HDAC9: variants seen among roughly 807,000 people sequenced by gnomAD.
HDAC9 encodes MEF-2 interacting transcription repressor (MITR) protein.
A neutral mutation model predicts 139.4 loss-of-function variants in HDAC9; 41 were observed. The ratio of observed to expected loss-of-function variants is 0.29; its 90% CI spans 0.23 to 0.38. HDAC9 has a LOEUF of 0.38. Ranked by LOEUF, HDAC9 falls within the 10% of genes least tolerant of loss-of-function variation. The probability of loss-of-function intolerance (pLI) is 1.00; values close to 1 mark genes in which losing one functional copy is unlikely to be tolerated. For missense variants in HDAC9, 1,147 were observed against 1,297.0 expected (o/e 0.88, Z 1.78); for synonymous variants, 517 against 476.2 (o/e 1.09, Z -1.12).
At chr7:18,858,698 A>G (rs968221577) in intron 21 of HDAC9, among the ~76,000 whole-genome samples, 1 of 152,168 alleles carries the variant, frequency 6.6e-6, no homozygotes, top group Non-Finnish European at 1.5e-5. Flanking sequence ...GTATATTTTT[A>G]TCTTAAATAA....
intron 6 of HDAC9, among the ~76,000 whole-genome samples, chr7:18,627,447 A>G (rs1042388453): frequency 2.6e-5 from 4 of 152,208 alleles, no homozygotes; most frequent in African/African-American, 7.2e-5. Context: ...TTAGATAAAT[A>G]TATTTATTAT....
chr7:18,273,651 T>A (rs2128215589), intron 2 of HDAC9, among the ~76,000 whole-genome samples: 1 of 152,298 alleles, frequency 6.6e-6, no homozygotes, highest in Non-Finnish European at 1.5e-5. Context: ...GACAGTAGTT[T>A]ATAAACAACA....
intron 7 of HDAC9, 124 bp downstream of exon 7, chr7:18,629,605 TTA>T (rs990426654): frequency 3.1e-6 from 3 of 972,526 alleles, no homozygotes; most frequent in Admixed American, 6.5e-5. Flanking sequence ...TGAAAGGAAA[TTA>T]TATTGAAAAC....
At chr7:18,988,127 C>G (rs1343545188) in intron 25 of HDAC9, among the ~76,000 whole-genome samples, 1 of 152,024 alleles carries the variant, frequency 6.6e-6, no homozygotes, top group African/African-American at 2.4e-5. Context: ...TTTGCTCTTG[C>G]TTTTCTAGTT....
chr7:18,324,840 A>G (rs540906813), intron 1 of HDAC9, among the ~76,000 whole-genome samples: 1 of 152,310 alleles, frequency 6.6e-6, no homozygotes, highest in Non-Finnish European at 1.5e-5. Flanking sequence ...GCAGGGTATA[A>G]TGTGATAAAT....
chr7:18,195,451 A>G (rs2082049598), intron 2 of HDAC9, among the ~76,000 whole-genome samples: 1 of 152,230 alleles, frequency 6.6e-6, no homozygotes, highest in South Asian at 2.1e-4. Context: ...TGAGATAAAT[A>G]AAAACATGAA....
At chr7:18,657,758 A>C (rs1791690732) in intron 11 of HDAC9, among the ~76,000 whole-genome samples, 1 of 152,166 alleles carries the variant, frequency 6.6e-6, no homozygotes, top group Non-Finnish European at 1.5e-5. Context: ...CATAGCAGCC[A>C]GAATGATCAT....
intron 6 of HDAC9, among the ~76,000 whole-genome samples, chr7:18,620,265 A>G (rs185002909): frequency 6.6e-6 from 1 of 152,294 alleles, no homozygotes; most frequent in East Asian, 1.9e-4. Context: ...TAATTAAACA[A>G]TAGATCTAAT....
chr7:18,411,248 C>T (rs1472626536), intron 1 of HDAC9, among the ~76,000 whole-genome samples: 7 of 152,248 alleles, frequency 4.6e-5, no homozygotes, highest in East Asian at 1.9e-4. Flanking sequence ...GATGGTTTGA[C>T]GTAAGATTTT....
chr7:18,926,654 A>C (rs1406760762), intron 22 of HDAC9, among the ~76,000 whole-genome samples: 1 of 152,164 alleles, frequency 6.6e-6, no homozygotes, highest in Non-Finnish European at 1.5e-5. Flanking sequence ...GGATGGATGG[A>C]TGGATTGATG....
intron 25 of HDAC9, among the ~76,000 whole-genome samples, chr7:18,977,919 G>GACGC (rs1554417537): frequency 7.1e-6 from 1 of 140,930 alleles, no homozygotes; most frequent in African/African-American, 2.7e-5. Context: ...CAGACAGACA[G>GACGC]ACACACACAC....
At chr7:18,352,101 TAGAC>T (rs1782894273) in intron 1 of HDAC9, among the ~76,000 whole-genome samples, 2 of 152,224 alleles carry the variant, frequency 1.3e-5, no homozygotes, top group South Asian at 4.1e-4. Flanking sequence ...ACAACATAAT[TAGAC>T]AGTAAAATAT....
At chr7:18,221,053 G>A (rs570143572) in intron 2 of HDAC9, among the ~76,000 whole-genome samples, 86 of 150,232 alleles carry the variant, frequency 5.7e-4, no homozygotes, top group African/African-American at 2.0e-3. Context: ...TTGAAAAATC[G>A]TATAATTATA....
At chr7:18,733,947 A>T (rs994325790) in intron 13 of HDAC9, among the ~76,000 whole-genome samples, 3 of 152,150 alleles carry the variant, frequency 2.0e-5, no homozygotes, top group African/African-American at 4.8e-5. Flanking sequence ...TTGTTAATTT[A>T]AAAAAATCAT....
chr7:18,216,102 G>A lies in HDAC9; in HGVS notation c.25+53753G>A, dbSNP rs112195692. On this transcript the variant is annotated intron_variant, in intron 2 of 12. Transcript: ENST00000417496. ...TGTATGTGTGTATGTGTGTGCCTGC[G>A]TGTCTGTGTGTGTGTGTGTGTGTGT... Among the ~76,000 whole-genome samples, 79 of 104,506 alleles carry A rather than the reference G, an allele frequency of 7.6e-4. 1 individual carries two copies. Among genetic ancestry groups the A allele is most frequent in the African/African-American group, 3.9e-3 (68 of 17,304 alleles). The allele number at this position is 104,506 out of a possible 152,430, so 68.6% of individuals were successfully genotyped here. A position where few individuals can be genotyped will look rare whatever the true frequency, so the allele number is the denominator to read the frequency against.
intron 1 of HDAC9, among the ~76,000 whole-genome samples, chr7:18,408,706 G>C (rs1393208697): frequency 1.3e-5 from 2 of 152,226 alleles, no homozygotes; most frequent in Non-Finnish European, 2.9e-5. Context: ...GAAAAGAATT[G>C]GGAGGCTTTT....
intron 2 of HDAC9, among the ~76,000 whole-genome samples, chr7:18,266,778 C>G (rs1796031642): frequency 6.6e-6 from 1 of 152,042 alleles, no homozygotes; most frequent in Non-Finnish European, 1.5e-5. Flanking sequence ...ACCATCGGTG[C>G]AAATATCAAC....
chr7:18,793,270 CTT>C, intron 16 of HDAC9, 73 bp from the exon 17 acceptor site: 1 of 1,034,148 alleles, frequency 9.7e-7, no homozygotes. Context: ...ACCTCTTCCC[CTT>C]TTACCCCTTT....
intron 6 of HDAC9, among the ~76,000 whole-genome samples, chr7:18,606,743 A>T (rs1028058412): frequency 3.3e-5 from 5 of 152,186 alleles, no homozygotes; most frequent in African/African-American, 1.2e-4. Flanking sequence ...TCATTTTGAT[A>T]GATGTAATCA....
Sources: gnomAD v4.1 joint callset for allele counts (sites outside exome capture counted in the v4.1 genomes callset) on GRCh38, gnomAD v4.1.1 for gene constraint, MANE v1.5 for transcripts, NCBI Gene and HGNC (gene_info 2026-07-23, HGNC 2026-07-21) for gene names.